The following SOX13 variants were observed in gnomAD, a reference collection of about 807,000 sequenced individuals.
The protein encoded by SOX13 is SRY-box transcription factor 13.
In SOX13, 28 loss-of-function variants were observed where a neutral mutation model predicts 71.8. The ratio of observed to expected loss-of-function variants is 0.39; its 90% CI spans 0.29 to 0.53. SOX13 has a LOEUF of 0.53. SOX13 is among the 20% of genes least tolerant of loss of function. SOX13 has a pLI of 0.70. For synonymous variants in SOX13, 309 were observed against 317.8 expected (o/e 0.97, Z 0.29); for missense variants, 627 against 810.3 (o/e 0.77, Z 2.75).
At chr1:204,099,756 A>T (rs1210778522) in intron 1 of SOX13, among the ~76,000 whole-genome samples, 1 of 152,116 alleles carries the variant, frequency 6.6e-6, no homozygotes, top group Non-Finnish European at 1.5e-5. Flanking sequence ...TGATAATATG[A>T]TCTACTTCAG....
At position 204,096,239 on chromosome 1, in the gene SOX13, GT is replaced by G. The variant is rs59094119; in HGVS notation, c.-1-16658del. ...CTTTTCTTTTCTTTTTCTTTCTTTC[GT>G]TTTTTTTTTTTTTTTTTGCGACAGG... On this transcript the variant is annotated intron_variant, in intron 1 of 13. Transcript: ENST00000367204. Among the ~76,000 whole-genome samples, 80 of 85,368 alleles carry G rather than the reference GT, an allele frequency of 9.4e-4. 1 individual carries two copies. In the South Asian group the frequency reaches 0.011, roughly 12 times the overall value. 56.0% of individuals were successfully genotyped at this position (85,368 alleles called of 152,430 possible).
chr1:204,100,878 G>A (rs1039734858), intron 1 of SOX13, among the ~76,000 whole-genome samples: 1 of 152,146 alleles, frequency 6.6e-6, no homozygotes, highest in Non-Finnish European at 1.5e-5. Context: ...TAAGCGGGCT[G>A]TGCCAACGGG....
intron 9 of SOX13, chr1:204,122,611 C>T: frequency 1.7e-6 from 1 of 602,158 alleles, no homozygotes; most frequent in African/African-American, 1.9e-5. Context: ...GCCAGAGTCA[C>T]ATAGTTCCAG....
At chr1:204,114,480 G>A (rs1157535015) in intron 3 of SOX13, 39 bp from the exon 4 acceptor site, 4 of 1,606,456 alleles carry the variant, frequency 2.5e-6, no homozygotes, top group Non-Finnish European at 3.4e-6. Context: ...GCAGGGAGGT[G>A]TTAAGACGGT....
intron 1 of SOX13, among the ~76,000 whole-genome samples, chr1:204,088,159 C>T (rs1033654277): frequency 6.6e-6 from 1 of 152,128 alleles, no homozygotes; most frequent in Non-Finnish European, 1.5e-5. Context: ...CTTGTAGGGC[C>T]CTCATTTACC....
intron 1 of SOX13, among the ~76,000 whole-genome samples, chr1:204,090,768 C>T (rs1008694956): frequency 6.6e-6 from 1 of 152,152 alleles, no homozygotes; most frequent in Non-Finnish European, 1.5e-5. Flanking sequence ...CGATTCAGCA[C>T]GGGTGAATTT....
intron 1 of SOX13, among the ~76,000 whole-genome samples, chr1:204,106,419 C>T (rs974169482): frequency 7.9e-5 from 12 of 152,128 alleles, no homozygotes; most frequent in Admixed American, 1.3e-4. Context: ...GAATATTTAT[C>T]GAGCACTTAC....
At chr1:204,086,569 G>T (rs1332060151) in intron 1 of SOX13, among the ~76,000 whole-genome samples, 1 of 152,092 alleles carries the variant, frequency 6.6e-6, no homozygotes, top group Non-Finnish European at 1.5e-5. Context: ...CCAAAGTGCT[G>T]GGATGACAGG....
chr1:204,076,476 T>C (rs1443690466), intron 1 of SOX13, among the ~76,000 whole-genome samples: 1 of 152,144 alleles, frequency 6.6e-6, no homozygotes, highest in Non-Finnish European at 1.5e-5. Context: ...ATGTGGGATT[T>C]GGGGTGAGGG....
intron 2 of SOX13, 50 bp from the exon 3 acceptor site, chr1:204,114,271 C>A (rs1444205273): frequency 1.5e-6 from 2 of 1,294,600 alleles, no homozygotes; most frequent in Non-Finnish European, 2.2e-6. Flanking sequence ...CTCCCTGCAG[C>A]CTGTCCCCTT....
intron 1 of SOX13, among the ~76,000 whole-genome samples, chr1:204,087,505 T>C (rs1475848280): frequency 1.3e-5 from 2 of 152,226 alleles, no homozygotes; most frequent in African/African-American, 2.4e-5. Flanking sequence ...CTCCCCTTTC[T>C]GTCTGTGCTG....
chr1:204,112,974 T>C lies in SOX13; in HGVS notation c.59T>C (p.Val20Ala). Residue 20 changes from valine to alanine, a missense_variant, in exon 2 of 14, where the codon GTG (valine) becomes GCG (alanine). By Grantham distance (64) the Val-to-Ala change is moderately conservative. Coordinates refer to ENST00000367204, the MANE Select transcript of SOX13 (RefSeq NM_005686.3). ...GCCCTGGATGGCGTTGGCACCATGG[T>C]GAACTGCACCATCAAGTCAGAGGAG... is the stretch of plus-strand genomic sequence containing the variant. Reference protein sequence around the residue: ...QLALDGVGTMVNCTIKSEEKK... With the variant: ...QLALDGVGTMANCTIKSEEKK... The C allele has an allele frequency of 6.2e-6, 10 of 1,613,630 alleles. No homozygotes were observed. Among genetic ancestry groups the C allele is most frequent in the Non-Finnish European group, 8.5e-6 (10 of 1,179,848 alleles).
intron 1 of SOX13, among the ~76,000 whole-genome samples, chr1:204,096,110 A>G (rs1656245245): frequency 6.6e-6 from 1 of 151,988 alleles, no homozygotes; most frequent in Non-Finnish European, 1.5e-5. Flanking sequence ...GGTTGTTGTG[A>G]GTAATATTGC....
intron 8 of SOX13, 26 bp downstream of exon 8, chr1:204,122,011 G>A: frequency 6.6e-7 from 1 of 1,525,792 alleles, no homozygotes. Flanking sequence ...CACTGGCCTG[G>A]GGCTCCCTCT....
In SOX13 at chr1:204,117,633, C is replaced by G; in HGVS notation, c.701C>G (p.Pro234Arg). The G allele has an allele frequency of 6.2e-7, 1 of 1,613,688 alleles. No homozygotes were observed. The highest frequency in any genetic ancestry group is 8.5e-7 in the Non-Finnish European group (1 of 1,179,788). The change falls in exon 7 of 14, where the codon CCA becomes CGA. Residue 234 changes from proline to arginine, a missense_variant. Pro to Arg is a moderately radical substitution (Grantham distance 103, BLOSUM62 -2). This residue lies in a region of SOX13 where 447 missense variants were observed against 532.2 expected (regional missense o/e 0.84). Coordinates refer to ENST00000367204, the MANE Select transcript of SOX13 (RefSeq NM_005686.3). ...TATGTCATGATCCCAGCCTTCCCCC[C>G]AAGCCACCAACCTCTGCCTGTCACC... ...MPYVMIPAFP[P>R]SHQPLPVTPD...
Position 204,123,178 on chromosome 1 carries a change from G to A in SOX13, c.1201G>A (p.Glu401Lys). The change falls in exon 11 of 14, where the codon GAG becomes AAG. Residue 401 changes from glutamate to lysine, a missense_variant. By Grantham distance (56) the Glu-to-Lys change is moderately conservative. Coordinates refer to ENST00000367204, the MANE Select transcript of SOX13 (RefSeq NM_005686.3). The surrounding 1 kb of genome is among the most constrained non-coding windows in gnomAD (Gnocchi z 5.0). The part of the protein sequence containing the change: ...RLEDGCVHPL[E>K]EAMLSCDMDG... ...GGAGGACGGCTGTGTGCACCCACTG[G>A]AGGAAGCCATGCTGAGCTGCGACAT... 3 of 1,613,616 alleles carry A rather than the reference G, an allele frequency of 1.9e-6. No homozygotes were observed. The highest frequency in any genetic ancestry group is 2.5e-6 in the Non-Finnish European group (3 of 1,179,694).
At chr1:204,115,427 G>A (rs1364004936) in intron 4 of SOX13, among the ~76,000 whole-genome samples, 1 of 147,446 alleles carries the variant, frequency 6.8e-6, no homozygotes, top group Non-Finnish European at 1.5e-5. Context: ...TATGGTAGGG[G>A]CCTGGGCCTC....
chr1:204,112,178 C>T (rs539871863), intron 1 of SOX13, among the ~76,000 whole-genome samples: 24 of 152,246 alleles, frequency 1.6e-4, no homozygotes, highest in Admixed American at 4.6e-4. Flanking sequence ...TGGTGGCTTA[C>T]GCCTGTAATT....
intron 1 of SOX13, among the ~76,000 whole-genome samples, chr1:204,087,358 C>A (rs1256095029): frequency 1.3e-5 from 2 of 152,218 alleles, no homozygotes; most frequent in Non-Finnish European, 2.9e-5. Context: ...CCAGGGGCAC[C>A]AGCTGGACCC....
Sources: gnomAD v4.1 joint callset for allele counts (sites outside exome capture counted in the v4.1 genomes callset) on GRCh38, gnomAD v4.1.1 for gene constraint, gnomAD v4.1.1 regional missense constraint, Gnocchi (gnomAD v3.1) non-coding constraint, MANE v1.5 for transcripts, NCBI Gene and HGNC (gene_info 2026-07-23, HGNC 2026-07-21) for gene names.